The following SIM1 variants were observed in gnomAD, a reference collection of about 807,000 sequenced individuals.
SIM1 encodes the protein single-minded homolog 1.
Under a neutral mutation model 78.2 loss-of-function variants are expected in SIM1, and 18 were observed. The observed-to-expected ratio is 0.23, with a 90% confidence interval of 0.16 to 0.34. The LOEUF (loss-of-function observed/expected upper bound fraction) is 0.34, where lower values mean the gene tolerates loss of function less well. SIM1 is among the 10% of genes least tolerant of loss of function. The pLI is 1.00. For missense variants in SIM1, 939 were observed against 975.1 expected, an observed-to-expected ratio of 0.96 and a Z score of 0.49; for synonymous variants, 417 against 385.2, an observed-to-expected ratio of 1.08 and a Z score of -0.97.
chr6:100,443,520 T>C (rs1236308101), intron 9 of SIM1, among the ~76,000 whole-genome samples: 1 of 152,154 alleles, frequency 6.6e-6, no homozygotes, highest in Non-Finnish European at 1.5e-5. Flanking sequence ...CATTTAGAAC[T>C]TTCTATCCTA....
intron 10 of SIM1, chr6:100,396,155 G>A (rs377506850): frequency 1.3e-4 from 104 of 798,576 alleles, no homozygotes; most frequent in Admixed American, 1.2e-3. Context: ...CAGGGCTGGC[G>A]CTTCCTCACC....
chr6:100,399,566 T>C (rs1249100365), intron 10 of SIM1, among the ~76,000 whole-genome samples: 1 of 152,142 alleles, frequency 6.6e-6, no homozygotes, highest in East Asian at 1.9e-4. Context: ...ACTACAGCTC[T>C]GCAAGATGTT....
chr6:100,463,774 C>T lies in SIM1; in HGVS notation c.-306G>A. The T allele has an allele frequency of 4.1e-6, 1 of 246,692 alleles. No homozygotes were observed. The highest frequency in any genetic ancestry group is 7.7e-6 in the Non-Finnish European group (1 of 129,196). 15.3% of individuals were successfully genotyped at this position (246,692 alleles called of 1,614,324 possible). On this transcript the variant is annotated 5_prime_UTR_variant, in exon 2 of 12. Coordinates refer to ENST00000369208, the MANE Select transcript of SIM1 (RefSeq NM_005068.3). ...TTCAGGGTATCAAATGCCAGTGGGA[C>T]CCCTGAGGAGCCAGCCTTTTCTTCT...
At position 100,463,506 on chromosome 6, in the gene SIM1, C is replaced by A. The variant is rs1180688028; in HGVS notation, c.-38G>T. ...CCCCTTTCTTCTCACAACTTAAGCT[C>A]CGCAGATTCATCCAAAACCAAAAAT... On this transcript the variant is annotated 5_prime_UTR_variant, in exon 2 of 12. Coordinates refer to ENST00000369208, the MANE Select transcript of SIM1 (RefSeq NM_005068.3). 6.5e-7 allele frequency: 1 copy of A among 1,550,268 alleles called. No homozygotes were observed. Among genetic ancestry groups the A allele is most frequent in the South Asian group, 1.2e-5 (1 of 84,116 alleles).
intron 10 of SIM1, among the ~76,000 whole-genome samples, chr6:100,403,069 CTCT>C (rs916602486): frequency 1.4e-4 from 21 of 152,220 alleles, no homozygotes; most frequent in African/African-American, 5.1e-4. Context: ...TTCCTGAAAC[CTCT>C]TCTTAGAAAA....
intron 9 of SIM1, among the ~76,000 whole-genome samples, chr6:100,433,161 T>G (rs1771944766): frequency 6.6e-6 from 1 of 152,180 alleles, no homozygotes; most frequent in Admixed American, 6.5e-5. Context: ...TCCAAACCAG[T>G]CAGAATGATC....
chr6:100,447,133 G>T (rs1772376159), intron 9 of SIM1, 135 bp downstream of exon 9: 3 of 909,546 alleles, frequency 3.3e-6, no homozygotes, highest in South Asian at 1.9e-5. Flanking sequence ...TCCTCTTGGC[G>T]CAGCCAGCAC....
At chr6:100,456,228 G>A (rs189462825) in intron 2 of SIM1, among the ~76,000 whole-genome samples, 1 of 152,160 alleles carries the variant, frequency 6.6e-6, no homozygotes, top group Non-Finnish European at 1.5e-5. Flanking sequence ...TCCTAGTAAG[G>A]GGTCCCCCCT....
intron 10 of SIM1, among the ~76,000 whole-genome samples, chr6:100,418,628 G>T (rs1239112611): frequency 6.6e-6 from 1 of 152,060 alleles, no homozygotes; most frequent in African/African-American, 2.4e-5. Flanking sequence ...GGATTTGGGG[G>T]TCCAATAGGG....
chr6:100,458,013 TCTC>T (rs1772721581), intron 2 of SIM1, among the ~76,000 whole-genome samples: 67 of 12,406 alleles, frequency 5.4e-3, no homozygotes, highest in African/African-American at 0.013. Context: ...TCTTTCTCTC[TCTC>T]TCTCTCTCTC....
At chr6:100,455,269 C>T (rs1477465222) in intron 2 of SIM1, among the ~76,000 whole-genome samples, 1 of 152,150 alleles carries the variant, frequency 6.6e-6, no homozygotes. Flanking sequence ...CTGATGCTCC[C>T]CGCCCGCACT....
chr6:100,464,879 A>C lies in SIM1; in HGVS notation c.-733T>G, dbSNP rs1485223768. On this transcript the variant is annotated 5_prime_UTR_variant, in exon 1 of 12. It adds an upstream start codon to the 5' untranslated region. Transcript: ENST00000369208. ...ACGAAGCCAGTTCACTATTATTCCT[A>C]ATTGGAAGCCGAAAACTGCCCCCCG... The C allele has an allele frequency of 6.6e-6, 1 of 152,092 alleles. No homozygotes were observed. The highest frequency in any genetic ancestry group is 6.5e-5 in the Admixed American group (1 of 15,278). 9.4% of individuals were successfully genotyped at this position (152,092 alleles called of 1,614,324 possible).
chr6:100,402,194 T>G (rs1478749645), intron 10 of SIM1, among the ~76,000 whole-genome samples: 1 of 152,216 alleles, frequency 6.6e-6, no homozygotes, highest in Admixed American at 6.5e-5. Flanking sequence ...GTTACCATCT[T>G]GTAAAAATTA....
intron 9 of SIM1, among the ~76,000 whole-genome samples, chr6:100,438,749 G>GTA (rs1056698220): frequency 7.9e-5 from 12 of 152,038 alleles, no homozygotes; most frequent in African/African-American, 2.4e-4. Context: ...AGAAAATGTG[G>GTA]TATATATATA....
Position 100,463,667 on chromosome 6 carries a change from GA to G in SIM1, c.-200del, listed in dbSNP as rs146022425. 2.5e-3 allele frequency: 1,282 copies of G among 512,480 alleles called. 9 individuals carry two copies. The highest frequency in any genetic ancestry group is 0.02 in the African/African-American group (1,040 of 52,728). 31.7% of individuals were successfully genotyped at this position (512,480 alleles called of 1,614,324 possible). ...GGGGTGAACGGAAAATATGTTCTTT[GA>G]AAATTCGGGATGCAGTATAGGAAAG... On this transcript the variant is annotated 5_prime_UTR_variant, in exon 2 of 12. Transcript: ENST00000369208.
At chr6:100,423,214 C>A (rs1158323962) in intron 9 of SIM1, among the ~76,000 whole-genome samples, 2 of 152,210 alleles carry the variant, frequency 1.3e-5, no homozygotes, top group Non-Finnish European at 2.9e-5. Flanking sequence ...CAAAATTTCC[C>A]TTCATCTACC....
chr6:100,450,398 C>A (rs1285725596), intron 3 of SIM1, 42 bp from the exon 4 acceptor site: 13 of 1,563,084 alleles, frequency 8.3e-6, no homozygotes, highest in Non-Finnish European at 1.1e-5. Context: ...CCCTCTGGGC[C>A]ATCTGGAGAA....
chr6:100,407,676 T>A (rs1771084267), intron 10 of SIM1, among the ~76,000 whole-genome samples: 1 of 152,140 alleles, frequency 6.6e-6, no homozygotes, highest in Non-Finnish European at 1.5e-5. Context: ...GAGGCTTTGA[T>A]TTGCATTTCT....
At chr6:100,453,690 T>A in intron 3 of SIM1, 72 bp downstream of exon 3, 2 of 1,043,808 alleles carry the variant, frequency 1.9e-6, no homozygotes, top group South Asian at 1.6e-5. Flanking sequence ...TCTGAGAAAC[T>A]AAAAGCTCAA....
Sources: gnomAD v4.1 joint callset for allele counts (sites outside exome capture counted in the v4.1 genomes callset) on GRCh38, gnomAD v4.1.1 for gene constraint, MANE v1.5 for transcripts, NCBI Gene and HGNC (gene_info 2026-07-23, HGNC 2026-07-21) for gene names.